The following CHST8 variants were observed in gnomAD, a reference collection of about 807,000 sequenced individuals.
CHST8 encodes carbohydrate sulfotransferase 8, also known as GALNAC-4-ST1.
A neutral mutation model predicts 15.0 loss-of-function variants in CHST8; 10 were observed. That is an observed-to-expected ratio of 0.67 (90% CI 0.41 to 1.13). CHST8 has a LOEUF of 1.13. Ranked by LOEUF, CHST8 falls within the 50% of genes most tolerant of loss-of-function variation. The pLI, the probability that CHST8 is intolerant of heterozygous loss-of-function variation, is 0.00. For synonymous variants in CHST8, 259 were observed against 256.6 expected (o/e 1.01, Z -0.09); for missense variants, 634 against 608.2 (o/e 1.04, Z -0.45).
chr19:33,737,201 C>T (rs1387996875), intron 3 of CHST8, among the ~76,000 whole-genome samples: 1 of 152,192 alleles, frequency 6.6e-6, no homozygotes, highest in Non-Finnish European at 1.5e-5. Context: ...AACCAGCAGC[C>T]CTAAGGGCTT....
At chr19:33,723,020 G>C (rs923318923) in intron 3 of CHST8, among the ~76,000 whole-genome samples, 4 of 152,236 alleles carry the variant, frequency 2.6e-5, no homozygotes, top group Non-Finnish European at 5.9e-5. Flanking sequence ...GACAACGTCA[G>C]AGGCTCCCCT....
At chr19:33,730,051 C>G (rs1427509306) in intron 3 of CHST8, among the ~76,000 whole-genome samples, 1 of 152,150 alleles carries the variant, frequency 6.6e-6, no homozygotes, top group Non-Finnish European at 1.5e-5. Context: ...GTCTTAGGAC[C>G]CTCATGTCAG....
At chr19:33,767,590 G>A (rs1197372476) in intron 3 of CHST8, among the ~76,000 whole-genome samples, 1 of 152,242 alleles carries the variant, frequency 6.6e-6, no homozygotes. Context: ...TTATCATAGC[G>A]CATGTGTTCC....
intron 3 of CHST8, among the ~76,000 whole-genome samples, chr19:33,761,899 G>T (rs1035258806): frequency 6.6e-6 from 1 of 152,010 alleles, no homozygotes; most frequent in African/African-American, 2.4e-5. Context: ...GAAAGAAGAG[G>T]CATGATCTGC....
chr19:33,643,700 T>C (rs1972313754), intron 1 of CHST8, among the ~76,000 whole-genome samples: 1 of 152,210 alleles, frequency 6.6e-6, no homozygotes. Flanking sequence ...CCCACGATTT[T>C]AATTATCGTA....
chr19:33,720,555 T>C lies in CHST8; in HGVS notation c.130+31164T>C, dbSNP rs147932488. Among the ~76,000 whole-genome samples the C allele has an allele frequency of 1.5e-3, 232 of 152,300 alleles. 2 individuals carry two copies. Among genetic ancestry groups the C allele is most frequent in the African/African-American group, 5.2e-3 (215 of 41,564 alleles). On this transcript the variant is annotated intron_variant, in intron 3 of 4. Coordinates refer to ENST00000650847, the MANE Select transcript of CHST8 (RefSeq NM_001127895.2). ...GCATGTAGCAAACACACTCTGCCCA[T>C]TGGCCTCTGTCCACCATCCAAAGCT...
chr19:33,637,691 C>G (rs573171592), intron 1 of CHST8, among the ~76,000 whole-genome samples: 1 of 143,800 alleles, frequency 7.0e-6, no homozygotes, highest in Non-Finnish European at 1.5e-5. Context: ...CGTGAGCCAC[C>G]GTGCCCAGTC....
intron 3 of CHST8, among the ~76,000 whole-genome samples, chr19:33,702,435 C>G (rs922713557): frequency 1.3e-5 from 2 of 152,192 alleles, no homozygotes; most frequent in African/African-American, 4.8e-5. Context: ...CATTTCTTGC[C>G]AACACCCAGC....
chr19:33,703,158 G>A (rs1274393209), intron 3 of CHST8, among the ~76,000 whole-genome samples: 1 of 152,242 alleles, frequency 6.6e-6, no homozygotes, highest in Non-Finnish European at 1.5e-5. Context: ...GAGGCCCGAG[G>A]TAGGGGGCCC....
intron 3 of CHST8, among the ~76,000 whole-genome samples, chr19:33,731,271 T>C (rs1973987863): frequency 6.6e-6 from 1 of 152,242 alleles, no homozygotes; most frequent in Non-Finnish European, 1.5e-5. Context: ...TTATTGTTAC[T>C]TTGTGATTAT....
intron 3 of CHST8, among the ~76,000 whole-genome samples, chr19:33,728,609 T>A (rs1056711046): frequency 6.6e-6 from 1 of 152,190 alleles, no homozygotes; most frequent in African/African-American, 2.4e-5. Flanking sequence ...TGTGGTTCGA[T>A]GAGCATCCCT....
chr19:33,772,797 C>T lies in CHST8; in HGVS notation c.1009C>T (p.Pro337Ser), dbSNP rs771714127. The change falls in exon 5 of 5, where the codon CCC (proline) becomes TCC (serine). Residue 337 changes from proline (P) to serine (S), a missense_variant. By Grantham distance (74) the Pro-to-Ser change is moderately conservative. Transcript: ENST00000650847. Reference protein sequence around the residue: ...HWDHVSRLCSPCLIDYDFVGK... With the variant: ...HWDHVSRLCSSCLIDYDFVGK... ...GGACCATGTCAGCCGGCTCTGCAGC[C>T]CCTGCCTCATCGACTACGATTTCGT... 20 of 1,613,582 alleles carry T rather than the reference C, an allele frequency of 1.2e-5. No homozygotes were observed. The highest frequency in any genetic ancestry group is 2.2e-5 in the East Asian group (1 of 44,868).
intron 2 of CHST8, among the ~76,000 whole-genome samples, chr19:33,671,143 G>C (rs1413035357): frequency 6.6e-6 from 1 of 152,124 alleles, no homozygotes; most frequent in African/African-American, 2.4e-5. Flanking sequence ...ACTGAGAAGA[G>C]TGAATTACAG....
intron 1 of CHST8, among the ~76,000 whole-genome samples, chr19:33,627,768 C>T (rs573632417): frequency 2.4e-4 from 37 of 152,280 alleles, no homozygotes; most frequent in African/African-American, 8.2e-4. Context: ...CACTGTCCCT[C>T]GCCCTGCCCC....
intron 2 of CHST8, among the ~76,000 whole-genome samples, chr19:33,673,333 T>G (rs189579126): frequency 6.6e-6 from 1 of 152,348 alleles, no homozygotes; most frequent in East Asian, 1.9e-4. Flanking sequence ...TAACTGGAGA[T>G]GATGCCTGCA....
rs36093900 is a variant in CHST8, at chr19:33,719,746, CAA to C, written c.130+30369_130+30370del. ...ACCTGGAGCAATTTACTGTGAGTTACAAAAAAAAAAAAAAATCACATGCAGTC... is the reference window on the plus strand; with the variant it reads ...ACCTGGAGCAATTTACTGTGAGTTACAAAAAAAAAAAAATCACATGCAGTC... On this transcript the variant is annotated intron_variant, in intron 3 of 4. Coordinates refer to ENST00000650847, the MANE Select transcript of CHST8 (RefSeq NM_001127895.2). Among the ~76,000 whole-genome samples, 501 of 143,544 alleles carry C rather than the reference CAA, an allele frequency of 3.5e-3. 1 individual carries two copies. Among genetic ancestry groups the C allele is most frequent in the Middle Eastern group, 7.1e-3 (2 of 280 alleles). The allele number at this position is 143,544 out of a possible 152,430, so 94.2% of individuals were successfully genotyped here. A position where few individuals can be genotyped will look rare whatever the true frequency, so the allele number is the denominator to read the frequency against.
intron 3 of CHST8, among the ~76,000 whole-genome samples, chr19:33,722,527 G>A (rs1973819281): frequency 6.6e-6 from 1 of 152,196 alleles, no homozygotes; most frequent in African/African-American, 2.4e-5. Flanking sequence ...TTTTCTTGCA[G>A]TTCGCACACC....
chr19:33,685,282 A>G (rs1398617511), intron 2 of CHST8: 3 of 152,162 alleles, frequency 2.0e-5, no homozygotes, highest in Admixed American at 1.3e-4. Flanking sequence ...TTTAAATCAA[A>G]TAAATAAGGA....
At chr19:33,747,678 G>A (rs1974340418) in intron 3 of CHST8, among the ~76,000 whole-genome samples, 1 of 152,186 alleles carries the variant, frequency 6.6e-6, no homozygotes, top group Non-Finnish European at 1.5e-5. Flanking sequence ...CAAAGAGGGA[G>A]CGTCAATGAT....
Sources: gnomAD v4.1 joint callset for allele counts (sites outside exome capture counted in the v4.1 genomes callset) on GRCh38, gnomAD v4.1.1 for gene constraint, MANE v1.5 for transcripts, NCBI Gene and HGNC (gene_info 2026-07-23, HGNC 2026-07-21) for gene names.